PCDHA1: variants seen among roughly 807,000 people sequenced by gnomAD.
The protein encoded by PCDHA1 is protocadherin alpha 1.
Under a neutral mutation model 61.3 loss-of-function variants are expected in PCDHA1, and 42 were observed. The ratio of observed to expected loss-of-function variants is 0.69; its 90% confidence interval spans 0.54 to 0.89. The LOEUF is 0.89. PCDHA1 is among the 40% of genes least tolerant of loss of function. PCDHA1 has a pLI of 0.00. For synonymous variants in PCDHA1, 610 were observed against 553.8 expected (o/e 1.10, Z -1.43); for missense variants, 1,256 against 1,235.3 (o/e 1.02, Z -0.25).
intron 1 of PCDHA1, chr5:140,884,505 G>A: frequency 6.2e-7 from 1 of 1,614,170 alleles, no homozygotes. Context: ...AGCGCGGCAG[G>A]GAGTTGGTCG....
rs782597550 is a variant in PCDHA1 at position 140,934,018 on chromosome 5, TG to T, written c.2395-44929del. ...ACCTCTCATTTTTCTTGACTAGACTTGGAAGTAGTTTATTAATGATATTAGT... is the reference window on the plus strand; with the variant it reads ...ACCTCTCATTTTTCTTGACTAGACTTGAAGTAGTTTATTAATGATATTAGT... On this transcript the variant is annotated intron_variant, in intron 1 of 3. Coordinates refer to ENST00000504120, the MANE Select transcript of PCDHA1 (RefSeq NM_018900.4). Among the ~76,000 whole-genome samples the T allele has an allele frequency of 2.6e-4, 40 of 152,182 alleles. 1 individual carries two copies. The highest frequency in any genetic ancestry group is 3.4e-3 in the Middle Eastern group (1 of 294).
intron 1 of PCDHA1, chr5:140,816,076 T>A (rs1554126966): frequency 6.6e-6 from 1 of 152,204 alleles, no homozygotes; most frequent in East Asian, 1.9e-4. Context: ...GATGTAATTT[T>A]AAAAAATAAG....
intron 1 of PCDHA1, chr5:140,835,910 A>C (rs2150248144): frequency 1.2e-6 from 2 of 1,612,256 alleles, no homozygotes; most frequent in Non-Finnish European, 1.7e-6. Context: ...GCTACGTGTC[A>C]GTGCACGCGG....
At chr5:140,848,870 C>T (rs2040645245) in intron 1 of PCDHA1, 1 of 1,590,634 alleles carries the variant, frequency 6.3e-7, no homozygotes, top group African/African-American at 1.4e-5. Flanking sequence ...AGGTGAAGGA[C>T]ATTAACGACA....
intron 3 of PCDHA1, among the ~76,000 whole-genome samples, chr5:141,008,297 A>G (rs2098368469): frequency 6.6e-6 from 1 of 152,178 alleles, no homozygotes; most frequent in South Asian, 2.1e-4. Context: ...GTTGTACCCA[A>G]CCCTAAACTG....
At chr5:140,793,080 A>C (rs1482885946) in intron 1 of PCDHA1, among the ~76,000 whole-genome samples, 6 of 152,244 alleles carry the variant, frequency 3.9e-5, no homozygotes, top group African/African-American at 1.4e-4. Flanking sequence ...ACTGGGCTGT[A>C]GGAAGTAATA....
chr5:140,931,395 C>T lies in PCDHA1; in HGVS notation c.2395-47554C>T, dbSNP rs141099105. Among the ~76,000 whole-genome samples the T allele has an allele frequency of 5.8e-3, 884 of 151,620 alleles. 4 individuals carry two copies. The highest frequency in any genetic ancestry group is 0.021 in the African/African-American group (851 of 41,384). ...AGACTAGAAAGGAAACATAAGTAAG[C>T]GATAGGAAGGCTGATGAATCTAGAA... On this transcript the variant is annotated intron_variant, in intron 1 of 3. Coordinates refer to ENST00000504120, the MANE Select transcript of PCDHA1 (RefSeq NM_018900.4).
In PCDHA1 at chr5:140,836,909, CTTTTG is replaced by C. The variant is rs2150271100; in HGVS notation, c.2394+48231_2394+48235del. On this transcript the variant is annotated intron_variant, in intron 1 of 3. Coordinates refer to ENST00000504120, the MANE Select transcript of PCDHA1 (RefSeq NM_018900.4). ...TATTTGGAAGTACGTTTAATATACACTTTTGTTTTGGGATGCGTAATACTATAGAT... is the reference window on the plus strand; with the variant it reads ...TATTTGGAAGTACGTTTAATATACACTTTTGGGATGCGTAATACTATAGAT... 186 of 579,744 alleles carry C rather than the reference CTTTTG, an allele frequency of 3.2e-4. 4 individuals carry two copies. The highest frequency in any genetic ancestry group is 1.5e-3 in the South Asian group (53 of 34,270). 35.9% of individuals were successfully genotyped at this position (579,744 alleles called of 1,614,324 possible).
intron 1 of PCDHA1, among the ~76,000 whole-genome samples, chr5:140,840,275 G>C (rs1776636892): frequency 6.6e-6 from 1 of 151,944 alleles, no homozygotes; most frequent in Non-Finnish European, 1.5e-5. Flanking sequence ...AATGATTTGG[G>C]TTTTGGGTGA....
intron 1 of PCDHA1, chr5:140,829,943 G>T (rs1195178508): frequency 1.2e-6 from 2 of 1,613,992 alleles, no homozygotes; most frequent in Non-Finnish European, 1.7e-6. Flanking sequence ...GGCAAGCAGC[G>T]CTCGCTTCCC....
intron 1 of PCDHA1, among the ~76,000 whole-genome samples, chr5:140,934,476 AATTAT>A (rs2089852464): frequency 6.6e-6 from 1 of 152,124 alleles, no homozygotes. Flanking sequence ...TTATTTTGAA[AATTAT>A]ATTCACCTCA....
At chr5:140,985,227 G>A (rs557750656) in intron 3 of PCDHA1, among the ~76,000 whole-genome samples, 5 of 152,206 alleles carry the variant, frequency 3.3e-5, no homozygotes, top group Non-Finnish European at 2.9e-5. Flanking sequence ...GTGAGCCACC[G>A]CGCCTGGCCT....
At chr5:140,986,673 A>G (rs782404000) in intron 3 of PCDHA1, among the ~76,000 whole-genome samples, 2 of 152,168 alleles carry the variant, frequency 1.3e-5, no homozygotes. Context: ...TTTTCAGAAG[A>G]GTTCAGAAAG....
chr5:140,836,668 A>G (rs1404155432), intron 1 of PCDHA1: 5 of 1,613,218 alleles, frequency 3.1e-6, no homozygotes, highest in East Asian at 4.5e-5. Context: ...TGCTCTGGGG[A>G]GGGCCCACCC....
chr5:140,808,283 G>C (rs367717209), intron 1 of PCDHA1: 1 of 1,614,216 alleles, frequency 6.2e-7, no homozygotes, highest in African/African-American at 1.3e-5. Context: ...CGCTCCACTG[G>C]GTACAGTCAT....
rs1318602549 is a variant in PCDHA1, at chr5:140,842,870, G to T, written c.2394+54186G>T. On this transcript the variant is annotated intron_variant, in intron 1 of 3. Coordinates refer to ENST00000504120, the MANE Select transcript of PCDHA1 (RefSeq NM_018900.4). ...TTCGGTGCACACGGAGAGCGGCAAG[G>T]TGTACGCGCTGCAGCCGCTGGACCA... 4.4e-6 allele frequency: 7 copies of T among 1,593,934 alleles called. 1 individual carries two copies. Among genetic ancestry groups the T allele is most frequent in the Non-Finnish European group, 6.0e-6 (7 of 1,165,422 alleles).
intron 1 of PCDHA1, chr5:140,862,418 G>A (rs868906297): frequency 8.8e-5 from 31 of 352,850 alleles, no homozygotes; most frequent in African/African-American, 6.4e-4. Flanking sequence ...AAAAGGCGCT[G>A]CCCAGAAACT....
rs59860837 is a variant in PCDHA1 at position 141,005,701 on chromosome 5, C to CAAAAA, written c.2543-3900_2543-3896dup. 5.2e-3 allele frequency among the ~76,000 whole-genome samples: 40 copies of CAAAAA among 7,764 alleles called. 2 individuals are homozygous for CAAAAA. Among genetic ancestry groups the CAAAAA allele is most frequent in the East Asian group, 0.013 (4 of 312 alleles). The allele number at this position is 7,764 out of a possible 152,430, so 5.1% of individuals were successfully genotyped here. On this transcript the variant is annotated intron_variant, in intron 3 of 3. Coordinates refer to ENST00000504120, the MANE Select transcript of PCDHA1 (RefSeq NM_018900.4). ...TGGGCGACAGAGCGAAACTCCGTCT[C>CAAAAA]AAAAAAAAAAAAAAAAAAAAAAAAA...
intron 1 of PCDHA1, chr5:140,853,286 T>G: frequency 2.0e-6 from 2 of 981,814 alleles, no homozygotes; most frequent in Non-Finnish European, 2.5e-6. Flanking sequence ...CATATGCAAA[T>G]TCTCAGAAGG....
Sources: gnomAD v4.1 joint callset for allele counts (sites outside exome capture counted in the v4.1 genomes callset) on GRCh38, gnomAD v4.1.1 for gene constraint, MANE v1.5 for transcripts, NCBI Gene and HGNC (gene_info 2026-07-23, HGNC 2026-07-21) for gene names.